GPC5: variants seen among roughly 807,000 people sequenced by gnomAD.
The protein encoded by GPC5 is glypican-5.
In GPC5, 47 loss-of-function variants were observed where a neutral mutation model predicts 53.9. The observed-to-expected ratio is 0.87, with a 90% CI of 0.69 to 1.11. The LOEUF is 1.11. Among genes scored for constraint, GPC5 ranks in the 50% most tolerant of loss-of-function variants. GPC5 has a pLI of 0.00. For synonymous variants in GPC5, 286 were observed against 263.3 expected (o/e 1.09, Z -0.84); for missense variants, 748 against 713.1 (o/e 1.05, Z -0.56).
rs185530625 is a variant in GPC5 at position 91,852,709 on chromosome 13, G to T, written c.1281-55228G>T. ...GCCTCACCATAAACATGTGAATAATGTTTGAACTGTAATGATACTGCAGCT... is the reference window on the plus strand; with the variant it reads ...GCCTCACCATAAACATGTGAATAATTTTTGAACTGTAATGATACTGCAGCT... On this transcript the variant is annotated intron_variant, in intron 5 of 7. Coordinates refer to ENST00000377067, the MANE Select transcript of GPC5 (RefSeq NM_004466.6). Among the ~76,000 whole-genome samples the T allele has an allele frequency of 1.8e-4, 27 of 152,178 alleles. No homozygotes were observed. The East Asian group carries it at 4.8e-3, about 27-fold the overall frequency.
At chr13:92,179,786 C>T (rs1312813498) in intron 7 of GPC5, among the ~76,000 whole-genome samples, 1 of 152,050 alleles carries the variant, frequency 6.6e-6, no homozygotes, top group Non-Finnish European at 1.5e-5. Context: ...TCTGTTCTGG[C>T]ACATGGGAAG....
rs140766019 is a variant in GPC5 at position 92,864,312 on chromosome 13, T to C, written c.1562-1970T>C. 3.5e-3 allele frequency among the ~76,000 whole-genome samples: 530 copies of C among 152,280 alleles called. 3 individuals carry two copies. The highest frequency in any genetic ancestry group is 0.012 in the African/African-American group (509 of 41,568). On this transcript the variant is annotated intron_variant, in intron 7 of 7. Transcript: ENST00000377067. Reference sequence around the variant, plus strand: ...TGTAAGATGGTAAAATAGCATCTGATTGAAGGCAGAAAAGCTCTCCTGCCA... The same window carrying C: ...TGTAAGATGGTAAAATAGCATCTGACTGAAGGCAGAAAAGCTCTCCTGCCA...
intron 7 of GPC5, among the ~76,000 whole-genome samples, chr13:92,496,655 A>G (rs1026078312): frequency 2.0e-5 from 3 of 152,092 alleles, no homozygotes; most frequent in African/African-American, 7.2e-5. Context: ...AATTCACAGA[A>G]CTCAGTACCG....
chr13:92,561,882 C>T (rs780571097), intron 7 of GPC5, among the ~76,000 whole-genome samples: 6 of 151,986 alleles, frequency 3.9e-5, no homozygotes, highest in African/African-American at 1.4e-4. Context: ...TAGAAAGGAA[C>T]GAAGAATGCA....
intron 6 of GPC5, among the ~76,000 whole-genome samples, chr13:92,140,435 G>A (rs9560935): frequency 0.27 from 41,779 of 152,040 alleles, 5,859 homozygotes; most frequent in East Asian, 0.42. Flanking sequence ...AATTTTCTTA[G>A]GTACATTTAG....
At chr13:91,783,312 G>C (rs2037827504) in intron 5 of GPC5, among the ~76,000 whole-genome samples, 1 of 151,944 alleles carries the variant, frequency 6.6e-6, no homozygotes, top group South Asian at 2.1e-4. Context: ...AGAGATAAAA[G>C]GAAATTATAT....
intron 6 of GPC5, among the ~76,000 whole-genome samples, chr13:91,912,912 G>C (rs1251653373): frequency 6.6e-6 from 1 of 152,050 alleles, no homozygotes; most frequent in African/African-American, 2.4e-5. Flanking sequence ...CTAACAAGAA[G>C]TGTCAGCTTT....
chr13:92,168,327 A>T (rs899986214), intron 7 of GPC5, among the ~76,000 whole-genome samples: 1 of 152,244 alleles, frequency 6.6e-6, no homozygotes, highest in Non-Finnish European at 1.5e-5. Flanking sequence ...CAAAAGCAAA[A>T]ATTGGCAAAT....
At chr13:91,602,051 C>T (rs2033197303) in intron 2 of GPC5, among the ~76,000 whole-genome samples, 1 of 152,196 alleles carries the variant, frequency 6.6e-6, no homozygotes, top group Admixed American at 6.5e-5. Flanking sequence ...TACAGTCTTG[C>T]ATCTGGTGTC....
At chr13:91,646,080 C>T (rs865794069) in intron 2 of GPC5, among the ~76,000 whole-genome samples, 4 of 152,016 alleles carry the variant, frequency 2.6e-5, no homozygotes, top group African/African-American at 9.7e-5. Context: ...ATTAAACATA[C>T]GTATATGAAA....
intron 7 of GPC5, among the ~76,000 whole-genome samples, chr13:92,434,274 A>C (rs1418196628): frequency 4.6e-5 from 7 of 152,214 alleles, no homozygotes; most frequent in Non-Finnish European, 2.9e-5. Context: ...GAACCATAAC[A>C]ACCACTAAGA....
At chr13:91,935,955 T>TG (rs2039866882) in intron 6 of GPC5, among the ~76,000 whole-genome samples, 1 of 151,978 alleles carries the variant, frequency 6.6e-6, no homozygotes, top group African/African-American at 2.4e-5. Flanking sequence ...AAACCCAAGA[T>TG]GTAATGTACC....
intron 7 of GPC5, among the ~76,000 whole-genome samples, chr13:92,588,379 GTTTA>G (rs1166469951): frequency 6.6e-6 from 1 of 152,174 alleles, no homozygotes; most frequent in Non-Finnish European, 1.5e-5. Flanking sequence ...AAATGCACAT[GTTTA>G]TTGCAGCCTT....
chr13:91,499,748 G>A (rs528047306), intron 2 of GPC5, among the ~76,000 whole-genome samples: 16 of 152,244 alleles, frequency 1.1e-4, no homozygotes, highest in African/African-American at 1.7e-4. Context: ...CTGATCAGGC[G>A]CAGCCAGTCT....
chr13:91,750,961 C>T (rs532047267), intron 4 of GPC5, among the ~76,000 whole-genome samples: 13 of 152,066 alleles, frequency 8.5e-5, no homozygotes, highest in Admixed American at 3.3e-4. Context: ...TGCGCCTGGC[C>T]GGTAAGTCTT....
rs141989760 is a variant in GPC5 at position 92,373,763 on chromosome 13, T to G, written c.1561+228774T>G. ...TTCAAATGAAAATTTCAATATAGAT[T>G]AATCGTAATCAGCTCCAGCTAGTTT... On this transcript the variant is annotated intron_variant, in intron 7 of 7. Transcript: ENST00000377067. Among the ~76,000 whole-genome samples the G allele has an allele frequency of 1.8e-3, 281 of 152,308 alleles. 2 individuals are homozygous for G. Among genetic ancestry groups the G allele is most frequent in the African/African-American group, 6.2e-3 (258 of 41,572 alleles).
At chr13:92,786,022 G>C (rs1241971479) in intron 7 of GPC5, among the ~76,000 whole-genome samples, 5 of 152,156 alleles carry the variant, frequency 3.3e-5, no homozygotes, top group African/African-American at 1.2e-4. Context: ...GTCAAAATAT[G>C]GATAGTACAT....
At position 92,154,364 on chromosome 13, in the gene GPC5, AC is replaced by A. The variant is rs149903135; in HGVS notation, c.1561+9376del. On this transcript the variant is annotated intron_variant, in intron 7 of 7. Coordinates refer to ENST00000377067, the MANE Select transcript of GPC5 (RefSeq NM_004466.6). Reference sequence around the variant, plus strand: ...TGTCACCCCTTTCTATCAGGTTATTACTTTTTTCTTTGGCAGATACTATCAA... The same window carrying A: ...TGTCACCCCTTTCTATCAGGTTATTATTTTTTCTTTGGCAGATACTATCAA... Among the ~76,000 whole-genome samples, 1,104 of 152,188 alleles carry A rather than the reference AC, an allele frequency of 7.3e-3. 25 individuals are homozygous for A. Among genetic ancestry groups the A allele is most frequent in the African/African-American group, 0.025 (1,039 of 41,530 alleles).
intron 1 of GPC5, among the ~76,000 whole-genome samples, chr13:91,440,245 C>T (rs1460383958): frequency 6.6e-6 from 1 of 152,108 alleles, no homozygotes; most frequent in African/African-American, 2.4e-5. Flanking sequence ...TTGCTATTAT[C>T]CCACAGGTCC....
Sources: gnomAD v4.1 joint callset for allele counts (sites outside exome capture counted in the v4.1 genomes callset) on GRCh38, gnomAD v4.1.1 for gene constraint, MANE v1.5 for transcripts, NCBI Gene and HGNC (gene_info 2026-07-23, HGNC 2026-07-21) for gene names.